UBXN2B: variants seen among roughly 807,000 people sequenced by gnomAD.
UBXN2B encodes UBX domain-containing protein 2B.
A neutral mutation model predicts 37.5 loss-of-function variants in UBXN2B; 19 were observed. The observed-to-expected ratio is 0.51, with a 90% CI of 0.35 to 0.74. The LOEUF (loss-of-function observed/expected upper bound fraction) is 0.74, where lower values mean the gene tolerates loss of function less well. Ranked by LOEUF, UBXN2B falls within the 30% of genes least tolerant of loss-of-function variation. The pLI is 0.01. For missense variants in UBXN2B, 370 were observed against 393.2 expected (o/e 0.94, Z 0.50); for synonymous variants, 145 against 143.8 (o/e 1.01, Z -0.06).
chr8:58,446,050 G>A lies in UBXN2B; in HGVS notation c.815G>A (p.Arg272Lys). ...GCAGATGGGAGTCGTTTGATACAAAGATTCAATAGTACACACAGGTAAGCT... is the reference window on the plus strand; with the variant it reads ...GCAGATGGGAGTCGTTTGATACAAAAATTCAATAGTACACACAGGTAAGCT... Reference protein sequence around the residue: ...RLADGSRLIQRFNSTHRILDV... With the variant: ...RLADGSRLIQKFNSTHRILDV... Residue 272 changes from arginine to lysine, a missense_variant, in exon 7 of 8, where the codon AGA (arginine) becomes AAA (lysine). By Grantham distance (26) the Arg-to-Lys change is conservative (BLOSUM62 2). Transcript: ENST00000399598. 1 of 1,610,786 alleles carries A rather than the reference G, an allele frequency of 6.2e-7. No homozygotes were observed. Among genetic ancestry groups the A allele is most frequent in the Non-Finnish European group, 8.5e-7 (1 of 1,178,926 alleles).
chr8:58,425,362 A>G (rs539567086), intron 2 of UBXN2B: 2 of 1,141,120 alleles, frequency 1.8e-6, no homozygotes, highest in African/African-American at 3.0e-5. Flanking sequence ...GTCGTTCACC[A>G]TGTTTTGCAG....
At chr8:58,423,026 G>A (rs187527792) in intron 2 of UBXN2B, among the ~76,000 whole-genome samples, 147 of 152,294 alleles carry the variant, frequency 9.7e-4, no homozygotes, top group Non-Finnish European at 1.8e-3. Flanking sequence ...GTCTGGGCAT[G>A]TGACTTGTTT....
intron 3 of UBXN2B, among the ~76,000 whole-genome samples, chr8:58,432,375 C>CTTTTTTTTTTTTT (rs34018318): frequency 3.7e-5 from 3 of 81,514 alleles, no homozygotes; most frequent in African/African-American, 5.2e-5. Context: ...TTCTAAATTT[C>CTTTTTTTTTTTTT]TTTTTTTTTT....
At chr8:58,420,042 C>A (rs1807886563) in intron 2 of UBXN2B, among the ~76,000 whole-genome samples, 1 of 152,158 alleles carries the variant, frequency 6.6e-6, no homozygotes, top group East Asian at 1.9e-4. Context: ...GATAAGTTGC[C>A]CCTGTGTAGA....
intron 6 of UBXN2B, among the ~76,000 whole-genome samples, chr8:58,441,412 G>A (rs187792722): frequency 5.6e-5 from 8 of 143,112 alleles, no homozygotes. Flanking sequence ...TAGTATGTAT[G>A]TATGTTCTTA....
chr8:58,443,662 G>A (rs35548366), intron 6 of UBXN2B, among the ~76,000 whole-genome samples: 11,937 of 146,736 alleles, frequency 0.081, 1,132 homozygotes, highest in Admixed American at 0.29. Flanking sequence ...AAAAAAATTA[G>A]CCGCATGTGG....
intron 2 of UBXN2B, among the ~76,000 whole-genome samples, chr8:58,428,135 T>C (rs1181813825): frequency 6.6e-6 from 1 of 152,224 alleles, no homozygotes; most frequent in Non-Finnish European, 1.5e-5. Flanking sequence ...GTAGCAAACC[T>C]TGAGATTCAG....
intron 2 of UBXN2B, among the ~76,000 whole-genome samples, chr8:58,429,210 T>C (rs2129604127): frequency 6.6e-6 from 1 of 152,344 alleles, no homozygotes; most frequent in Non-Finnish European, 1.5e-5. Context: ...TGACTTCCAT[T>C]CCTCGTTTCC....
chr8:58,441,906 A>C (rs1808561465), intron 6 of UBXN2B, among the ~76,000 whole-genome samples: 1 of 152,262 alleles, frequency 6.6e-6, no homozygotes, highest in South Asian at 2.1e-4. Flanking sequence ...TGTAGTTTAT[A>C]GAATATCTGG....
At chr8:58,413,829 G>C (rs889240870) in intron 1 of UBXN2B, among the ~76,000 whole-genome samples, 1 of 152,160 alleles carries the variant, frequency 6.6e-6, no homozygotes, top group Non-Finnish European at 1.5e-5. Flanking sequence ...TAAGGAGATG[G>C]TCATGGGGAA....
At chr8:58,424,702 T>G in intron 2 of UBXN2B, 54 of 1,259,278 alleles carry the variant, frequency 4.3e-5, no homozygotes, top group Non-Finnish European at 6.1e-5. Flanking sequence ...GGGGGGGCTC[T>G]GATCTCCACT....
chr8:58,433,799 A>C (rs957634472), intron 4 of UBXN2B, among the ~76,000 whole-genome samples: 1 of 152,060 alleles, frequency 6.6e-6, no homozygotes, highest in Non-Finnish European at 1.5e-5. Context: ...TTAAAAAAAG[A>C]AAAATGAACA....
chr8:58,413,701 T>TAG (rs1807700999), intron 1 of UBXN2B, among the ~76,000 whole-genome samples: 2 of 152,076 alleles, frequency 1.3e-5, no homozygotes, highest in South Asian at 4.1e-4. Flanking sequence ...AAAAGCTGCA[T>TAG]AGTTGCTTCC....
intron 2 of UBXN2B, chr8:58,424,634 A>G: frequency 1.7e-6 from 2 of 1,163,042 alleles, no homozygotes; most frequent in South Asian, 1.2e-5. Flanking sequence ...GTTTTCATAC[A>G]CTCTAGCACT....
At chr8:58,412,841 C>A (rs572438538) in intron 1 of UBXN2B, among the ~76,000 whole-genome samples, 1 of 152,304 alleles carries the variant, frequency 6.6e-6, no homozygotes, top group East Asian at 1.9e-4. Flanking sequence ...AGGGCCTATG[C>A]AAAATTCCTA....
chr8:58,434,907 A>T, intron 5 of UBXN2B: 1 of 1,535,616 alleles, frequency 6.5e-7, no homozygotes, highest in Non-Finnish European at 8.7e-7. Flanking sequence ...TATGTTAGAA[A>T]TCTTTTAATG....
intron 1 of UBXN2B, among the ~76,000 whole-genome samples, chr8:58,413,598 G>A (rs1585590256): frequency 6.6e-6 from 1 of 152,086 alleles, no homozygotes; most frequent in Non-Finnish European, 1.5e-5. Context: ...GGAACAAGCA[G>A]AATTACCCCT....
chr8:58,424,729 G>C, intron 2 of UBXN2B: 1 of 1,386,800 alleles, frequency 7.2e-7, no homozygotes. Flanking sequence ...GTCCGCTAGA[G>C]AATACTTAAT....
chr8:58,428,541 T>C (rs566404432), intron 2 of UBXN2B, among the ~76,000 whole-genome samples: 2 of 152,232 alleles, frequency 1.3e-5, no homozygotes, highest in Admixed American at 6.5e-5. Context: ...TCCTCTGTGC[T>C]TATCTAAGTC....
Sources: gnomAD v4.1 joint callset for allele counts (sites outside exome capture counted in the v4.1 genomes callset) on GRCh38, gnomAD v4.1.1 for gene constraint, MANE v1.5 for transcripts, NCBI Gene and HGNC (gene_info 2026-07-23, HGNC 2026-07-21) for gene names.